Variants in SPATA1 observed in about 807,000 individuals in gnomAD.
The protein encoded by SPATA1 is spermatogenesis associated 1.
SPATA1 carries 57 observed loss-of-function variants against 59.6 expected under a neutral mutation model. That is an observed-to-expected ratio of 0.96 (90% CI 0.77 to 1.19). The LOEUF is 1.19. SPATA1 is among the 50% of genes most tolerant of loss of function. The pLI is 0.00. For synonymous variants in SPATA1, 147 were observed against 163.9 expected (o/e 0.90, Z 0.79); for missense variants, 448 against 480.7 (o/e 0.93, Z 0.64).
intron 8 of SPATA1, among the ~76,000 whole-genome samples, chr1:84,534,765 G>A (rs1189033998): frequency 1.3e-5 from 2 of 151,956 alleles, no homozygotes; most frequent in Admixed American, 6.6e-5. Context: ...ATGAGAAAAC[G>A]AAAACACAGA....
At chr1:84,529,329 A>G (rs1244176944) in intron 6 of SPATA1, among the ~76,000 whole-genome samples, 1 of 151,902 alleles carries the variant, frequency 6.6e-6, no homozygotes, top group Non-Finnish European at 1.5e-5. Flanking sequence ...TCTTTTTAGG[A>G]CAAGGATTTA....
chr1:84,520,778 T>C (rs1413007202), intron 3 of SPATA1, 87 bp downstream of exon 3: 2 of 889,272 alleles, frequency 2.2e-6, no homozygotes, highest in East Asian at 5.5e-5. Flanking sequence ...ATTTAAAAAC[T>C]ATAAGTGAAA....
chr1:84,539,046 C>T (rs1683817460), intron 8 of SPATA1, among the ~76,000 whole-genome samples: 1 of 152,176 alleles, frequency 6.6e-6, no homozygotes, highest in Non-Finnish European at 1.5e-5. Flanking sequence ...AGCAATCGGC[C>T]CTCCTCAGCC....
At chr1:84,521,229 T>G (rs964649938) in intron 3 of SPATA1, among the ~76,000 whole-genome samples, 1 of 152,112 alleles carries the variant, frequency 6.6e-6, no homozygotes, top group Non-Finnish European at 1.5e-5. Flanking sequence ...GATCTGAGAA[T>G]AGCAGTTAAA....
chr1:84,546,228 C>A (rs1161456084), intron 10 of SPATA1, among the ~76,000 whole-genome samples: 3 of 151,958 alleles, frequency 2.0e-5, no homozygotes, highest in South Asian at 2.1e-4. Flanking sequence ...CCGAGGCAGG[C>A]GGATCATTTG....
rs72950354 is a variant in SPATA1, at chr1:84,566,140, T to C, written n.722T>C. 5.7e-3 allele frequency: 2,581 copies of C among 455,658 alleles called. 55 individuals carry two copies. Among genetic ancestry groups the C allele is most frequent in the African/African-American group, 0.046 (2,231 of 48,838 alleles). 28.2% of individuals were successfully genotyped at this position (455,658 alleles called of 1,614,324 possible). A position where few individuals can be genotyped will look rare whatever the true frequency, so the allele number is the denominator to read the frequency against. On this transcript the variant is annotated non_coding_transcript_exon_variant, in exon 5 of 5. Coordinates refer to the SPATA1 transcript ENST00000460286. The stretch of plus-strand genomic sequence containing the variant: ...AAAGGAACTGCTTACAGTATATGAA[T>C]GTAGGGTTTGACACACATAGAACTT...
chr1:84,529,856 C>T (rs1415854798), intron 6 of SPATA1, among the ~76,000 whole-genome samples: 1 of 139,878 alleles, frequency 7.1e-6, no homozygotes, highest in Non-Finnish European at 1.6e-5. Flanking sequence ...GAAGCCTAAA[C>T]TCTTTTTTTT....
chr1:84,544,172 G>T, intron 8 of SPATA1, 30 bp from the exon 9 acceptor site: 1 of 1,386,726 alleles, frequency 7.2e-7, no homozygotes, highest in South Asian at 1.2e-5. Context: ...CAGTGTAGCC[G>T]ATCTTACTCA....
At chr1:84,532,321 C>A (rs777717839) in intron 6 of SPATA1, among the ~76,000 whole-genome samples, 2 of 152,104 alleles carry the variant, frequency 1.3e-5, no homozygotes, top group Non-Finnish European at 1.5e-5. Flanking sequence ...CCTGGTGAAA[C>A]CCTGTCTATA....
At chr1:84,534,034 C>T (rs1026557733) in intron 8 of SPATA1, among the ~76,000 whole-genome samples, 1 of 152,068 alleles carries the variant, frequency 6.6e-6, no homozygotes, top group African/African-American at 2.4e-5. Flanking sequence ...TCAAACTATA[C>T]TTAACTAGCA....
chr1:84,545,493 A>C (rs756246038), intron 9 of SPATA1, 141 bp from the exon 10 acceptor site: 215 of 881,874 alleles, frequency 2.4e-4, no homozygotes, highest in Non-Finnish European at 3.3e-4. Context: ...GGTAAATGCT[A>C]TACTGTAGCA....
chr1:84,533,599 AT>A, intron 7 of SPATA1, 109 bp from the exon 8 acceptor site: 1 of 876,506 alleles, frequency 1.1e-6, no homozygotes, highest in South Asian at 1.6e-5. Flanking sequence ...GACTTTGAAA[AT>A]TTTCAATATT....
chr1:84,526,138 G>A, intron 6 of SPATA1, 65 bp downstream of exon 6: 1 of 1,376,874 alleles, frequency 7.3e-7, no homozygotes, highest in Non-Finnish European at 1.0e-6. Context: ...AGTCAAGTCT[G>A]TAAGCAAACC....
intron 8 of SPATA1, among the ~76,000 whole-genome samples, chr1:84,541,145 T>C (rs1166689936): frequency 6.6e-6 from 1 of 152,250 alleles, no homozygotes; most frequent in Non-Finnish European, 1.5e-5. Flanking sequence ...GTCAGAGAAT[T>C]CCTTTAATGT....
intron 10 of SPATA1, among the ~76,000 whole-genome samples, chr1:84,548,520 A>G (rs1287432870): frequency 2.7e-5 from 4 of 148,088 alleles, no homozygotes; most frequent in African/African-American, 9.8e-5. Flanking sequence ...ACTTTTAGAT[A>G]TATTACTTTT....
intron 8 of SPATA1, among the ~76,000 whole-genome samples, chr1:84,541,037 G>A (rs560718910): frequency 1.3e-5 from 2 of 152,270 alleles, no homozygotes; most frequent in African/African-American, 4.8e-5. Context: ...TCTTGTAAAC[G>A]TTGCACTACT....
intron 4 of SPATA1, among the ~76,000 whole-genome samples, chr1:84,559,762 C>T (rs1034771604): frequency 1.3e-5 from 2 of 152,046 alleles, no homozygotes; most frequent in Non-Finnish European, 2.9e-5. Flanking sequence ...TCAAGGCTCA[C>T]CAAAATGTTT....
chr1:84,562,549 CAT>C (rs1461925444), intron 4 of SPATA1, among the ~76,000 whole-genome samples: 1 of 152,102 alleles, frequency 6.6e-6, no homozygotes, highest in Non-Finnish European at 1.5e-5. Flanking sequence ...TTTAAAGTAA[CAT>C]AATCTGAAAT....
In SPATA1 at chr1:84,521,522, C is replaced by G. The variant is rs74999366; in HGVS notation, c.143+831C>G. On this transcript the variant is annotated intron_variant, in intron 3 of 12. Transcript: ENST00000490879. ...GTCTAGAATGAGTTTTCTGCCCTAA[C>G]CATATGCTCTCCCATCTCCTTCAGG... Among the ~76,000 whole-genome samples the G allele has an allele frequency of 5.6e-4, 85 of 152,248 alleles. 2 individuals are homozygous for G. In the East Asian group the frequency reaches 0.012, roughly 22 times the overall value.
Sources: allele counts gnomAD v4.1 joint callset (sites outside exome capture counted in the v4.1 genomes callset), GRCh38; gene constraint gnomAD v4.1.1; transcripts MANE v1.5; gene names NCBI Gene and HGNC (gene_info 2026-07-23, HGNC 2026-07-21).